Variants in ZBTB1 observed in about 807,000 individuals in gnomAD.
ZBTB1 encodes the protein zinc finger and BTB domain containing 1.
In ZBTB1, 13 loss-of-function variants were observed where a neutral mutation model predicts 51.6. The ratio of observed to expected loss-of-function variants is 0.25; its 90% CI spans 0.16 to 0.40. The LOEUF (loss-of-function observed/expected upper bound fraction) is 0.40, where lower values mean the gene tolerates loss of function less well. Ranked by LOEUF, ZBTB1 falls within the 10% of genes least tolerant of loss-of-function variation. The pLI is 1.00. For synonymous variants in ZBTB1, 240 were observed against 282.2 expected (o/e 0.85, Z 1.50); for missense variants, 567 against 856.5 (o/e 0.66, Z 4.22).
At chr14:64,529,942 T>C (rs568973510), downstream of ZBTB1, among the ~76,000 whole-genome samples, 14 of 152,160 alleles carry the variant, frequency 9.2e-5, no homozygotes, top group Admixed American at 3.9e-4. Flanking sequence ...CCAAAATACC[T>C]ATGGATTTTT....
intron 1 of ZBTB1, among the ~76,000 whole-genome samples, chr14:64,508,296 T>A (rs562625323): frequency 1.3e-5 from 2 of 152,230 alleles, no homozygotes; most frequent in African/African-American, 4.8e-5. Context: ...ATGAGATGCA[T>A]GCAGTCGTTT....
chr14:64,517,782 T>TATATATATA (rs1491377695), intron 1 of ZBTB1, among the ~76,000 whole-genome samples: 6 of 34,804 alleles, frequency 1.7e-4, no homozygotes, highest in Admixed American at 4.1e-4. Flanking sequence ...TATATATATA[T>TATATATATA]TTTTTTTTTT....
Position 64,523,872 on chromosome 14 carries a change from TA to T in ZBTB1, c.*227del. 1.6e-5 allele frequency: 20 copies of T among 1,212,758 alleles called. No individual in the cohort carries two copies. Among genetic ancestry groups the T allele is most frequent in the Non-Finnish European group, 2.1e-5 (20 of 961,276 alleles). The allele number at this position is 1,212,758 out of a possible 1,614,324, so 75.1% of individuals were successfully genotyped here. On this transcript the variant is annotated 3_prime_UTR_variant, in exon 2 of 2. Transcript: ENST00000683701. The surrounding 1 kb of genome is among the most constrained non-coding windows in gnomAD (Gnocchi z 4.5). ...AGAATTATTTGTTTTTAGTTTTTCTTAGCTATGATTAAAATTTTTAAATGTA... is the reference window on the plus strand; with the variant it reads ...AGAATTATTTGTTTTTAGTTTTTCTTGCTATGATTAAAATTTTTAAATGTA...
At chr14:64,516,163 A>G (rs1271194098) in intron 1 of ZBTB1, among the ~76,000 whole-genome samples, 11 of 152,184 alleles carry the variant, frequency 7.2e-5, no homozygotes. Flanking sequence ...TTGGAGAATG[A>G]GTACCCATAT....
Position 64,523,533 on chromosome 14 carries a change from T to C in ZBTB1, c.2029T>C (p.Leu677=), listed in dbSNP as rs2079879797. The change falls in exon 2 of 2, where the codon TTG becomes CTG. Residue 677 remains leucine (L), a synonymous_variant. Transcript: ENST00000683701. The surrounding 1 kb of genome is among the most constrained non-coding windows in gnomAD (Gnocchi z 4.5). ...TCAGATATTCCCAAATAATGAACAG[T>C]TGGAGCAGCACATGGATGTTCATCT... ...CFQIFPNNEQ[L]EQHMDVHLYT... 3.2e-6 allele frequency: 5 copies of C among 1,584,118 alleles called. No individual in the cohort carries two copies. Among genetic ancestry groups the C allele is most frequent in the South Asian group, 2.3e-5 (2 of 87,896 alleles).
chr14:64,516,982 C>A (rs1378773101), intron 1 of ZBTB1, among the ~76,000 whole-genome samples: 1 of 152,120 alleles, frequency 6.6e-6, no homozygotes, highest in Non-Finnish European at 1.5e-5. Context: ...GTCTTTGGAA[C>A]TTCTGTGCTC....
chr14:64,512,238 ATAGCTAAACTAGTGG>A (rs1385045821), intron 1 of ZBTB1, among the ~76,000 whole-genome samples: 19 of 152,256 alleles, frequency 1.2e-4, no homozygotes, highest in African/African-American at 4.6e-4. Flanking sequence ...AAGTTCCCGC[ATAGCTAAACTAGTGG>A]TAGAGTTTGT....
chr14:64,531,096 CT>C (rs2140193348), intron 2 of ZBTB1, among the ~76,000 whole-genome samples: 1 of 152,284 alleles, frequency 6.6e-6, no homozygotes, highest in Non-Finnish European at 1.5e-5. Context: ...CCCCTACTTA[CT>C]TAAAAAGTTA....
downstream of ZBTB1, among the ~76,000 whole-genome samples, chr14:64,528,518 G>T (rs10149286): frequency 0.17 from 26,342 of 151,938 alleles, 2,610 homozygotes; most frequent in Non-Finnish European, 0.22. Flanking sequence ...AAAGCTCTGG[G>T]GGAACATACC....
chr14:64,519,251 C>T (rs2079832669), intron 1 of ZBTB1, among the ~76,000 whole-genome samples: 1 of 150,268 alleles, frequency 6.7e-6, no homozygotes, highest in South Asian at 2.1e-4. Flanking sequence ...TGGGTTCAAG[C>T]GATTCTCCCG....
chr14:64,509,238 C>T (rs1331293642), intron 1 of ZBTB1, among the ~76,000 whole-genome samples: 4 of 152,116 alleles, frequency 2.6e-5, no homozygotes, highest in African/African-American at 4.8e-5. Context: ...GGCGTGGTGC[C>T]GCATGCCTGT....
Position 64,524,741 on chromosome 14 carries a change from G to A in ZBTB1, c.*1095G>A, listed in dbSNP as rs909435161. ...GAAATGTGGCAAATTGCAGTTTATC[G>A]CCATATTTTATTATCATTTTTTTCT... On this transcript the variant is annotated 3_prime_UTR_variant, in exon 2 of 2. Transcript: ENST00000683701. The A allele has an allele frequency of 4.3e-5, 42 of 982,828 alleles. No homozygotes were observed. The highest frequency in any genetic ancestry group is 3.8e-4 in the South Asian group (8 of 21,246). 60.9% of individuals were successfully genotyped at this position (982,828 alleles called of 1,614,324 possible). A position where few individuals can be genotyped will look rare whatever the true frequency, so the allele number is the denominator to read the frequency against.
intron 1 of ZBTB1, among the ~76,000 whole-genome samples, chr14:64,516,244 A>G (rs960447922): frequency 3.9e-5 from 6 of 152,324 alleles, no homozygotes; most frequent in African/African-American, 1.4e-4. Context: ...TAACAGAGTA[A>G]GACCCTGTCT....
rs969268091 is a variant in ZBTB1 at position 64,521,603 on chromosome 14, T to C, written c.99T>C (p.Ile33=). Residue 33 remains isoleucine, a synonymous_variant, in exon 2 of 2, where the codon ATT becomes ATC. Coordinates refer to ENST00000683701, the MANE Select transcript of ZBTB1 (RefSeq NM_001123329.2). ...LCDCCIAIDD[I]YFQAHKAVLA... ...ACTGCTGTATTGCAATTGATGACAT[T>C]TACTTTCAAGCACACAAGGCAGTTC... 1.2e-6 allele frequency: 2 copies of C among 1,614,230 alleles called. No homozygotes were observed. The highest frequency in any genetic ancestry group is 1.7e-6 in the Non-Finnish European group (2 of 1,180,042).
At chr14:64,510,073 A>G (rs2079709094) in intron 1 of ZBTB1, among the ~76,000 whole-genome samples, 1 of 152,230 alleles carries the variant, frequency 6.6e-6, no homozygotes, top group Non-Finnish European at 1.5e-5. Context: ...TTATTCATTC[A>G]GTAACACTTA....
chr14:64,533,402 C>T (rs2079957846), exon 3 of ZBTB1: 1 of 152,236 alleles, frequency 6.6e-6, no homozygotes, highest in Non-Finnish European at 1.5e-5. Context: ...AAGAATATTA[C>T]CAATAATTAA....
chr14:64,520,358 A>C (rs1329073437), intron 1 of ZBTB1, among the ~76,000 whole-genome samples: 1 of 152,080 alleles, frequency 6.6e-6, no homozygotes, highest in East Asian at 1.9e-4. Flanking sequence ...TCTGTCACAC[A>C]AGCTAGAGTA....
chr14:64,506,188 T>TA (rs1366556949), intron 1 of ZBTB1, among the ~76,000 whole-genome samples: 1 of 152,154 alleles, frequency 6.6e-6, no homozygotes, highest in East Asian at 1.9e-4. Flanking sequence ...AAAGTCTCAA[T>TA]AATAACTGGA....
At chr14:64,518,904 GTATA>G (rs71123855) in intron 1 of ZBTB1, among the ~76,000 whole-genome samples, 9,514 of 95,034 alleles carry the variant, frequency 0.1, 528 homozygotes, top group South Asian at 0.18. Flanking sequence ...TTGCAGAGAG[GTATA>G]TATATATATA....
Sources: allele counts gnomAD v4.1 joint callset (sites outside exome capture counted in the v4.1 genomes callset), GRCh38; gene constraint gnomAD v4.1.1; non-coding constraint Gnocchi (gnomAD v3.1); transcripts MANE v1.5; gene names NCBI Gene and HGNC (gene_info 2026-07-23, HGNC 2026-07-21).